Variants in FMNL3 observed in about 807,000 individuals in gnomAD.
FMNL3 encodes formin like 3.
FMNL3 carries 57 observed loss-of-function variants against 119.6 expected under a neutral mutation model. The observed-to-expected ratio is 0.48, with a 90% CI of 0.39 to 0.59. The LOEUF is 0.59. Among genes scored for constraint, FMNL3 ranks in the 20% least tolerant of loss-of-function variants. The probability of loss-of-function intolerance (pLI) is 0.00; values close to 1 mark genes in which losing one functional copy is unlikely to be tolerated. For missense variants in FMNL3, 1,053 were observed against 1,323.5 expected, an observed-to-expected ratio of 0.80 and a Z score of 3.17; for synonymous variants, 491 against 507.3, an observed-to-expected ratio of 0.97 and a Z score of 0.43.
Position 49,652,080 on chromosome 12 carries a change from G to A in FMNL3, c.1456C>T (p.Leu486=). 6.2e-7 allele frequency: 1 copy of A among 1,612,750 alleles called. No individual in the cohort carries two copies. The highest frequency in any genetic ancestry group is 1.7e-5 in the Admixed American group (1 of 59,832). The change falls in exon 14 of 26, where the codon CTG becomes TTG. Residue 486 remains leucine, a synonymous_variant. Transcript: ENST00000335154. ...AGCTCTGCAGGGCCTACTCTGGCCA[G>A]GGCCTCACTGTCCACAGACTCCAGG... is the stretch of plus-strand genomic sequence containing the variant. ...RGLESVDSEA[L]ARVGPAELSE... is the part of the protein sequence containing the mutation.
intron 5 of FMNL3, chr12:49,661,624 C>T (rs1037894986): frequency 4.1e-5 from 10 of 244,720 alleles, no homozygotes; most frequent in African/African-American, 2.0e-4. Context: ...GAATGGATCC[C>T]ACCAAGGCAT....
Position 49,645,836 on chromosome 12 carries a change from AG to A in FMNL3, c.3062del (p.Pro1021LeufsTer141). On this transcript the variant is annotated frameshift_variant, in exon 26 of 26. Transcript: ENST00000335154. LOFTEE classifies it high-confidence loss of function. ...GGTCTCAGTGGGGGCCTGGAGCCCG[AG>A]GGGGACCACTGGGCGGTGCAGCACT... ...ARSAAPPSGP[P>X]RAPGPH 5.6e-6 allele frequency: 9 copies of A among 1,603,282 alleles called. No individual in the cohort carries two copies. Among genetic ancestry groups the A allele is most frequent in the Non-Finnish European group, 7.7e-6 (9 of 1,176,332 alleles).
rs2138680508 is a variant in FMNL3 at position 49,644,060 on chromosome 12, T to C, written c.*1755A>G. ...ACGCTGGTCAAGCTTCCACGGCCCTTAGTGCAGGCTAAGGGTGAACTGTGC... is the reference window on the plus strand; with the variant it reads ...ACGCTGGTCAAGCTTCCACGGCCCTCAGTGCAGGCTAAGGGTGAACTGTGC... On this transcript the variant is annotated 3_prime_UTR_variant, in exon 26 of 26. Coordinates refer to ENST00000335154, the MANE Select transcript of FMNL3 (RefSeq NM_175736.5). 1.9e-6 allele frequency: 3 copies of C among 1,614,172 alleles called. No homozygotes were observed. Among genetic ancestry groups the C allele is most frequent in the Non-Finnish European group, 2.5e-6 (3 of 1,180,034 alleles).
intron 2 of FMNL3, 119 bp downstream of exon 2, chr12:49,668,352 C>T: frequency 1.1e-6 from 1 of 889,190 alleles, no homozygotes. Flanking sequence ...CAGATGAGGC[C>T]AAGCTTAGGC....
rs1942758244 is a variant in FMNL3 at position 49,642,162 on chromosome 12, C to A, written c.*3653G>T. 7 of 1,612,002 alleles carry A rather than the reference C, an allele frequency of 4.3e-6. No homozygotes were observed. Among genetic ancestry groups the A allele is most frequent in the Non-Finnish European group, 5.9e-6 (7 of 1,178,772 alleles). ...AGCCCAGACCCTAACTTTCCACCTCCTAAGGTATGCCTGAGTGGGACCTGG... is the reference window on the plus strand; with the variant it reads ...AGCCCAGACCCTAACTTTCCACCTCATAAGGTATGCCTGAGTGGGACCTGG... On this transcript the variant is annotated 3_prime_UTR_variant, in exon 26 of 26. Transcript: ENST00000335154. The surrounding 1 kb of genome is among the most constrained non-coding windows in gnomAD (Gnocchi z 5.8).
intron 1 of FMNL3, among the ~76,000 whole-genome samples, chr12:49,676,201 T>C (rs988403727): frequency 1.3e-5 from 2 of 152,314 alleles, no homozygotes; most frequent in Admixed American, 6.5e-5. Flanking sequence ...CAACGCTGAG[T>C]TGGACACTTG....
chr12:49,706,583 A>T (rs1215279318), intron 1 of FMNL3, among the ~76,000 whole-genome samples: 1 of 151,748 alleles, frequency 6.6e-6, no homozygotes, highest in Non-Finnish European at 1.5e-5. Context: ...CTGGGCTGGG[A>T]GTGGGACCCA....
In FMNL3 at chr12:49,642,974, G is replaced by A. The variant is rs1259393084; in HGVS notation, c.*2841C>T. ...ACACCAAAGGCCGAAAGCATGGCAGGAAAGGCAAGAAGCACCATCACAAGC... is the reference window on the plus strand; with the variant it reads ...ACACCAAAGGCCGAAAGCATGGCAGAAAAGGCAAGAAGCACCATCACAAGC... On this transcript the variant is annotated 3_prime_UTR_variant, in exon 26 of 26. Coordinates refer to ENST00000335154, the MANE Select transcript of FMNL3 (RefSeq NM_175736.5). This position sits in a 1 kb window ranked among gnomAD's most constrained non-coding sequence, Gnocchi z 5.8. The A allele has an allele frequency of 6.2e-7, 1 of 1,613,768 alleles. No individual in the cohort carries two copies. Among genetic ancestry groups the A allele is most frequent in the Non-Finnish European group, 8.5e-7 (1 of 1,179,876 alleles).
In FMNL3 at chr12:49,645,125, A is replaced by AAAC. The variant is rs1943124670; in HGVS notation, c.*689_*690insGTT. 2.0e-5 allele frequency: 3 copies of AAAC among 151,786 alleles called. No individual in the cohort carries two copies. The highest frequency in any genetic ancestry group is 7.3e-5 in the African/African-American group (3 of 41,260). The allele number at this position is 151,786 out of a possible 1,614,324, so 9.4% of individuals were successfully genotyped here. On this transcript the variant is annotated 3_prime_UTR_variant, in exon 26 of 26. Coordinates refer to ENST00000335154, the MANE Select transcript of FMNL3 (RefSeq NM_175736.5). ...CTGCCAAAAAAAAAAAAAAAAAAAA[A>AAAC]AAAACCGTAGCTGAGGAAAGAAGGT... is the stretch of plus-strand genomic sequence containing the variant.
intron 14 of FMNL3, 38 bp downstream of exon 14, chr12:49,651,895 G>C: frequency 6.5e-7 from 1 of 1,529,244 alleles, no homozygotes; most frequent in Non-Finnish European, 8.8e-7. Flanking sequence ...CCCACAAAGA[G>C]GCTGCCCCTG....
intron 2 of FMNL3, 115 bp from the exon 3 acceptor site, chr12:49,666,322 G>A (rs1943890374): frequency 1.2e-6 from 1 of 860,072 alleles, no homozygotes. Context: ...GCCTCTCCAA[G>A]TTGTCACCTG....
intron 21 of FMNL3, 125 bp downstream of exon 21, chr12:49,648,904 G>A (rs1446715407): frequency 3.5e-6 from 5 of 1,414,644 alleles, no homozygotes; most frequent in Admixed American, 5.2e-5. Flanking sequence ...AAGCTTTGAA[G>A]TGGTCAGAAA....
Position 49,652,032 on chromosome 12 carries a change from C to CGGA in FMNL3, c.1501_1503dup (p.Ser501dup). On this transcript the variant is annotated inframe_insertion, in exon 14 of 26. Coordinates refer to ENST00000335154, the MANE Select transcript of FMNL3 (RefSeq NM_175736.5). ...GGGGCTGGAGCCAGAAGGTCCAGGT[C>CGGA]GGAGGGTGGCATGCCCTCACTCAGC... 1 of 1,608,984 alleles carries CGGA rather than the reference C, an allele frequency of 6.2e-7. No individual in the cohort carries two copies. Among genetic ancestry groups the CGGA allele is most frequent in the Non-Finnish European group, 8.5e-7 (1 of 1,177,670 alleles).
Position 49,654,840 on chromosome 12 carries a change from C to T in FMNL3, c.960+70G>A, listed in dbSNP as rs1332238997. On this transcript the variant is annotated intron_variant, in intron 10 of 25. Coordinates refer to ENST00000335154, the MANE Select transcript of FMNL3 (RefSeq NM_175736.5). ...GAATATCAAGATACGCTGTTGGCCT[C>T]ACCCCTGTTGTCAAGGAACACACAC... is the stretch of plus-strand genomic sequence containing the variant. 3.5e-5 allele frequency: 51 copies of T among 1,439,500 alleles called. No individual in the cohort carries two copies. The Admixed American group carries it at 8.9e-4, about 25-fold the overall frequency. The allele number at this position is 1,439,500 out of a possible 1,614,324, so 89.2% of individuals were successfully genotyped here.
rs377232039 is a variant in FMNL3 at position 49,658,458 on chromosome 12, G to A, written c.589C>T (p.Arg197Cys). ...CACACATACCGGAGCACAGACTGGC[G>A]CGCAGAGCGAGCGAGGCTGTTGGTG... The part of the protein sequence containing the change: ...PFTNSLARSA[R>C]QSVLRYSTLP... The change falls in exon 6 of 26, where the codon CGC becomes TGC. Residue 197 changes from arginine (R) to cysteine (C), a missense_variant. By Grantham distance (180) the Arg-to-Cys change is radical. Around this residue, in one of 4 missense-constraint regions of FMNL3, gnomAD observed 264 missense variants for 265.5 expected, o/e 0.99. Transcript: ENST00000335154. The A allele has an allele frequency of 4.7e-5, 75 of 1,608,438 alleles. No homozygotes were observed. Among genetic ancestry groups the A allele is most frequent in the Middle Eastern group, 1.6e-4 (1 of 6,064 alleles).
At position 49,637,798 on chromosome 12, in the gene FMNL3, A is replaced by C; in HGVS notation, c.*8017T>G. 6.2e-7 allele frequency: 1 copy of C among 1,611,388 alleles called. No individual in the cohort carries two copies. On this transcript the variant is annotated 3_prime_UTR_variant, in exon 26 of 26. Coordinates refer to ENST00000335154, the MANE Select transcript of FMNL3 (RefSeq NM_175736.5). ...GTTGAAGGCACGATTCCATGATGAAAAGAAGATCATTAAGGACATCCTTAA... is the reference window on the plus strand; with the variant it reads ...GTTGAAGGCACGATTCCATGATGAACAGAAGATCATTAAGGACATCCTTAA...
intron 1 of FMNL3, among the ~76,000 whole-genome samples, chr12:49,676,526 T>G (rs1439875871): frequency 1.0e-5 from 1 of 96,444 alleles, no homozygotes; most frequent in South Asian, 2.6e-4. Flanking sequence ...GTGGGTTTTT[T>G]TTTTTTTTTT....
chr12:49,656,940 G>A (rs760174147), intron 7 of FMNL3, 41 bp from the exon 8 acceptor site: 19 of 1,575,812 alleles, frequency 1.2e-5, no homozygotes, highest in Non-Finnish European at 1.4e-5. Flanking sequence ...TTGATGGTGG[G>A]GAAGGGGGAG....
At chr12:49,691,680 G>A (rs563946492) in intron 1 of FMNL3, among the ~76,000 whole-genome samples, 11 of 152,148 alleles carry the variant, frequency 7.2e-5, no homozygotes, top group African/African-American at 2.2e-4. Context: ...TCTCTCTCTC[G>A]CACTTTTCTT....
Sources: allele counts gnomAD v4.1 joint callset (sites outside exome capture counted in the v4.1 genomes callset), GRCh38; gene constraint gnomAD v4.1.1; regional missense constraint gnomAD v4.1.1; non-coding constraint Gnocchi (gnomAD v3.1); transcripts MANE v1.5; gene names NCBI Gene and HGNC (gene_info 2026-07-23, HGNC 2026-07-21).